Variants in WWC1 observed in about 807,000 individuals in gnomAD.
The protein encoded by WWC1 is protein KIBRA.
WWC1 carries 55 observed loss-of-function variants against 138.4 expected under a neutral mutation model. The ratio of observed to expected loss-of-function variants is 0.40; its 90% CI spans 0.32 to 0.50. The LOEUF (loss-of-function observed/expected upper bound fraction) is 0.50. WWC1 is among the 20% of genes least tolerant of loss of function. The pLI is 0.72. For missense variants in WWC1, 1,226 were observed against 1,420.4 expected (o/e 0.86, Z 2.20); for synonymous variants, 524 against 564.9 (o/e 0.93, Z 1.03).
chr5:168,299,194 G>C (rs1406210113), intron 1 of WWC1, among the ~76,000 whole-genome samples: 3 of 152,224 alleles, frequency 2.0e-5, no homozygotes, highest in Non-Finnish European at 2.9e-5. Flanking sequence ...GCTGTAGCCT[G>C]GTCTGGCTCT....
intron 10 of WWC1, among the ~76,000 whole-genome samples, chr5:168,423,075 G>A (rs1283735636): frequency 6.8e-6 from 1 of 147,432 alleles, no homozygotes; most frequent in East Asian, 2.0e-4. Context: ...AAACCCAGGA[G>A]GCGGAGGTTG....
rs1776733291 is a variant in WWC1 at position 168,371,278 on chromosome 5, G to A, written c.120-146G>A. 23 of 586,966 alleles carry A rather than the reference G, an allele frequency of 3.9e-5. 1 individual carries two copies. In the South Asian group the frequency reaches 4.9e-4, roughly 12 times the overall value. The allele number at this position is 586,966 out of a possible 1,614,324, so 36.4% of individuals were successfully genotyped here. ...TGTGTTCACCTTCCCGGGAACAAAG[G>A]GGACAACAGAGCTGGTGCTGCTGTG... On this transcript the variant is annotated intron_variant, in intron 1 of 22. Transcript: ENST00000265293.
At chr5:168,348,508 G>T (rs1774668037) in intron 1 of WWC1, among the ~76,000 whole-genome samples, 2 of 152,188 alleles carry the variant, frequency 1.3e-5, no homozygotes, top group African/African-American at 4.8e-5. Context: ...CCGGGGTGGG[G>T]TGGAAGCTTG....
chr5:168,446,670 T>C (rs1243485058), intron 17 of WWC1, among the ~76,000 whole-genome samples: 1 of 152,156 alleles, frequency 6.6e-6, no homozygotes, highest in Non-Finnish European at 1.5e-5. Context: ...GGCAAGTCGC[T>C]CTAACCTTGT....
At chr5:168,332,805 C>T (rs751574528) in intron 1 of WWC1, among the ~76,000 whole-genome samples, 14 of 152,024 alleles carry the variant, frequency 9.2e-5, no homozygotes, top group Non-Finnish European at 1.3e-4. Context: ...GCTTCCCAGA[C>T]TCAAGCCATC....
intron 3 of WWC1, among the ~76,000 whole-genome samples, chr5:168,389,222 G>A (rs968158181): frequency 6.6e-6 from 1 of 152,218 alleles, no homozygotes; most frequent in Middle Eastern, 3.4e-3. Flanking sequence ...GCTGAGGCAG[G>A]TGGATCACGA....
chr5:168,398,067 A>G (rs988885992), intron 4 of WWC1, among the ~76,000 whole-genome samples: 1 of 151,772 alleles, frequency 6.6e-6, no homozygotes, highest in Non-Finnish European at 1.5e-5. Context: ...AACTACCGTC[A>G]TCTGCATTTT....
chr5:168,410,105 C>T, intron 8 of WWC1, 110 bp downstream of exon 8: 1 of 1,071,620 alleles, frequency 9.3e-7, no homozygotes, highest in Non-Finnish European at 1.4e-6. Flanking sequence ...TTAATCCTCA[C>T]AAAGATTATG....
chr5:168,417,242 C>T (rs116275806), intron 9 of WWC1, among the ~76,000 whole-genome samples: 2,087 of 152,254 alleles, frequency 0.014, 55 homozygotes, highest in African/African-American at 0.048. Flanking sequence ...TTAGCAAGAA[C>T]CTATCTACAA....
At chr5:168,391,465 C>A (rs1227601468) in intron 3 of WWC1, among the ~76,000 whole-genome samples, 2 of 152,012 alleles carry the variant, frequency 1.3e-5, no homozygotes, top group Non-Finnish European at 2.9e-5. Flanking sequence ...TCGAGACCAT[C>A]CTGGCTAACA....
At chr5:168,410,986 G>A (rs1222380272) in intron 8 of WWC1, among the ~76,000 whole-genome samples, 1 of 143,998 alleles carries the variant, frequency 6.9e-6, no homozygotes, top group African/African-American at 2.6e-5. Context: ...CCAGGATGGA[G>A]TGCAGTGGCG....
At chr5:168,298,250 G>T (rs1769742410) in intron 1 of WWC1, among the ~76,000 whole-genome samples, 1 of 151,954 alleles carries the variant, frequency 6.6e-6, no homozygotes, top group African/African-American at 2.4e-5. Flanking sequence ...TGTTGGCCAG[G>T]CTGGTCTCGA....
intron 6 of WWC1, among the ~76,000 whole-genome samples, chr5:168,406,867 A>G (rs565628800): frequency 2.0e-5 from 3 of 152,162 alleles, no homozygotes; most frequent in East Asian, 1.9e-4. Context: ...GCGTGAACCC[A>G]GGAGGTGGAG....
chr5:168,386,497 A>G (rs955343133), intron 3 of WWC1, among the ~76,000 whole-genome samples: 1 of 150,080 alleles, frequency 6.7e-6, no homozygotes, highest in African/African-American at 2.5e-5. Context: ...GGTTCATGCC[A>G]TTCTCCTGCC....
At position 168,385,215 on chromosome 5, in the gene WWC1, C is replaced by T. The variant is rs758863684; in HGVS notation, c.234C>T (p.Thr78=). The change falls in exon 3 of 23, where the codon ACC becomes ACT. Residue 78 remains threonine (T), a synonymous_variant. Transcript: ENST00000265293. ...AATCTCTGGGGTCTGTTCCAGAAAC[C>T]ACTCAGATTGAGGATCCTCGAGTAC... ...GDYFIDHNTK[T]TQIEDPRVQW... is the part of the protein sequence containing the mutation. 9 of 1,614,080 alleles carry T rather than the reference C, an allele frequency of 5.6e-6. No individual in the cohort carries two copies. The highest frequency in any genetic ancestry group is 7.6e-6 in the Non-Finnish European group (9 of 1,180,008).
chr5:168,413,743 T>C (rs994881530), intron 8 of WWC1, among the ~76,000 whole-genome samples: 1 of 152,174 alleles, frequency 6.6e-6, no homozygotes, highest in Non-Finnish European at 1.5e-5. Flanking sequence ...CGGTCAGTAG[T>C]TGTAGTCTTA....
intron 1 of WWC1, among the ~76,000 whole-genome samples, chr5:168,329,152 CG>C (rs1772823343): frequency 6.6e-6 from 1 of 152,196 alleles, no homozygotes; most frequent in Non-Finnish European, 1.5e-5. Flanking sequence ...AAAGTCCTAT[CG>C]GAGAGCTTCC....
rs1581832960 is a variant in WWC1 at position 168,292,937 on chromosome 5, G to A, written c.119+666G>A. Among the ~76,000 whole-genome samples the A allele has an allele frequency of 6.6e-6, 1 of 152,306 alleles. No homozygotes were observed. Among genetic ancestry groups the A allele is most frequent in the Middle Eastern group, 3.4e-3 (1 of 294 alleles). ...TATCCAGGAATCTGGCAGCAACTTG[G>A]AAGCTGTTAGGATGGAGATGGAGGT... On this transcript the variant is annotated intron_variant, in intron 1 of 22. Coordinates refer to ENST00000265293, the MANE Select transcript of WWC1 (RefSeq NM_015238.3). This position sits in a 1 kb window ranked among gnomAD's most constrained non-coding sequence, Gnocchi z 4.4.
intron 9 of WWC1, 33 bp from the exon 10 acceptor site, chr5:168,421,975 G>A: frequency 6.3e-7 from 1 of 1,580,556 alleles, no homozygotes; most frequent in Non-Finnish European, 8.7e-7. Context: ...GCTTCCTTTT[G>A]GTGCATCCCT....
Sources: allele counts gnomAD v4.1 joint callset (sites outside exome capture counted in the v4.1 genomes callset), GRCh38; gene constraint gnomAD v4.1.1; non-coding constraint Gnocchi (gnomAD v3.1); transcripts MANE v1.5; gene names NCBI Gene and HGNC (gene_info 2026-07-23, HGNC 2026-07-21).